Variants in KCTD8 observed in about 807,000 individuals in gnomAD.
KCTD8 encodes potassium channel tetramerization domain containing 8.
Under a neutral mutation model 31.5 loss-of-function variants are expected in KCTD8, and 27 were observed. The ratio of observed to expected loss-of-function variants is 0.86; its 90% confidence interval spans 0.63 to 1.18. The LOEUF (loss-of-function observed/expected upper bound fraction) is 1.18. Ranked by LOEUF, KCTD8 falls within the 50% of genes most tolerant of loss-of-function variation. KCTD8 has a pLI of 0.00. For synonymous variants in KCTD8, 290 were observed against 280.0 expected, an observed-to-expected ratio of 1.04 and a Z score of -0.36; for missense variants, 658 against 647.7, an observed-to-expected ratio of 1.02 and a Z score of -0.17.
chr4:44,283,076 G>T, intron 1 of KCTD8, among the ~76,000 whole-genome samples: 1 of 134,510 alleles, frequency 7.4e-6, no homozygotes, highest in South Asian at 2.3e-4. Context: ...TATTATTATT[G>T]AGACAGAGTC....
chr4:44,446,545 C>A (rs551520585), intron 1 of KCTD8, among the ~76,000 whole-genome samples: 6 of 152,256 alleles, frequency 3.9e-5, no homozygotes, highest in Non-Finnish European at 5.9e-5. Context: ...CTCCCAATCC[C>A]ACTCCCAATC....
intron 1 of KCTD8, among the ~76,000 whole-genome samples, chr4:44,369,835 T>G (rs1443343164): frequency 3.9e-5 from 6 of 151,952 alleles, no homozygotes; most frequent in Non-Finnish European, 8.8e-5. Context: ...GCACAAGAAA[T>G]TACAGTAATA....
chr4:44,399,278 T>C (rs1331556309), intron 1 of KCTD8, among the ~76,000 whole-genome samples: 1 of 152,164 alleles, frequency 6.6e-6, no homozygotes, highest in African/African-American at 2.4e-5. Flanking sequence ...GAAAAGTAAC[T>C]GATTAGTGAA....
intron 1 of KCTD8, among the ~76,000 whole-genome samples, chr4:44,437,894 C>T (rs4318686): frequency 0.84 from 127,277 of 152,090 alleles, 53,490 homozygotes; most frequent in South Asian, 0.9. Flanking sequence ...TTACTCTAAA[C>T]GAGAATCACC....
chr4:44,255,782 G>C (rs1163102173), intron 1 of KCTD8, among the ~76,000 whole-genome samples: 12 of 151,796 alleles, frequency 7.9e-5, no homozygotes, highest in Admixed American at 6.6e-4. Flanking sequence ...GAAGAATAAT[G>C]AATATTTTAG....
At chr4:44,237,575 G>C (rs1715329834) in intron 1 of KCTD8, among the ~76,000 whole-genome samples, 1 of 152,120 alleles carries the variant, frequency 6.6e-6, no homozygotes, top group South Asian at 2.1e-4. Flanking sequence ...CAAATGTTTT[G>C]ATCTCCATCT....
At chr4:44,219,786 G>T (rs1714753670) in intron 1 of KCTD8, among the ~76,000 whole-genome samples, 1 of 152,144 alleles carries the variant, frequency 6.6e-6, no homozygotes, top group Admixed American at 6.5e-5. Context: ...GAAGCTATTA[G>T]AGATATTTTT....
At chr4:44,366,683 GCAT>G (rs1719648678) in intron 1 of KCTD8, among the ~76,000 whole-genome samples, 1 of 152,148 alleles carries the variant, frequency 6.6e-6, no homozygotes, top group Non-Finnish European at 1.5e-5. Flanking sequence ...AGCAGCAGCA[GCAT>G]CAATATTGTA....
At chr4:44,200,366 A>G (rs1714102787) in intron 1 of KCTD8, among the ~76,000 whole-genome samples, 1 of 151,734 alleles carries the variant, frequency 6.6e-6, no homozygotes, top group African/African-American at 2.4e-5. Flanking sequence ...AAAAAAAACT[A>G]CAGGCCAATA....
Position 44,447,878 on chromosome 4 carries a change from A to C in KCTD8, c.646T>G (p.Ser216Ala). 1 of 1,544,222 alleles carries C rather than the reference A, an allele frequency of 6.5e-7. No individual in the cohort carries two copies. Among genetic ancestry groups the C allele is most frequent in the Non-Finnish European group, 8.8e-7 (1 of 1,142,482 alleles). ...SGFLTLGYRG[S>A]YTTVRDNQAD... ...TGGTTGTCGCGCACGGTGGTGTAGG[A>C]GCCCCGGTAGCCCAGCGTGAGGAAG... The change falls in exon 1 of 2, where the codon TCC becomes GCC. Residue 216 changes from serine (S) to alanine (A), a missense_variant. By Grantham distance (99) the Ser-to-Ala change is moderately conservative. Transcript: ENST00000360029.
intron 1 of KCTD8, among the ~76,000 whole-genome samples, chr4:44,387,649 G>A (rs973928484): frequency 2.0e-5 from 3 of 151,968 alleles, no homozygotes; most frequent in African/African-American, 4.8e-5. Flanking sequence ...AAATGGTGCT[G>A]AGATTACTGG....
chr4:44,238,480 G>A (rs1180329600), intron 1 of KCTD8, among the ~76,000 whole-genome samples: 2 of 151,934 alleles, frequency 1.3e-5, no homozygotes, highest in African/African-American at 4.8e-5. Context: ...AGAGTTTAGT[G>A]GAGTCTTAAT....
chr4:44,239,984 G>A (rs769892453), intron 1 of KCTD8, among the ~76,000 whole-genome samples: 6 of 152,150 alleles, frequency 3.9e-5, no homozygotes, highest in Non-Finnish European at 8.8e-5. Flanking sequence ...TACCTCCCTG[G>A]ATGGATTTAG....
intron 1 of KCTD8, among the ~76,000 whole-genome samples, chr4:44,268,577 T>C (rs1716468873): frequency 6.6e-6 from 1 of 152,078 alleles, no homozygotes; most frequent in Admixed American, 6.5e-5. Flanking sequence ...TAAAGGGTAT[T>C]CAATTAGGAA....
intron 1 of KCTD8, among the ~76,000 whole-genome samples, chr4:44,340,604 C>T (rs186762194): frequency 6.1e-4 from 93 of 152,066 alleles, no homozygotes; most frequent in Non-Finnish European, 1.1e-3. Flanking sequence ...CCACCACGCC[C>T]GGCCGACATA....
At chr4:44,188,136 A>G (rs932015492) in intron 1 of KCTD8, among the ~76,000 whole-genome samples, 1 of 152,188 alleles carries the variant, frequency 6.6e-6, no homozygotes, top group African/African-American at 2.4e-5. Flanking sequence ...CTGCCAATAA[A>G]TGTTTTCAAG....
chr4:44,255,442 T>A (rs529379921), intron 1 of KCTD8, among the ~76,000 whole-genome samples: 2 of 152,066 alleles, frequency 1.3e-5, no homozygotes, highest in South Asian at 4.1e-4. Flanking sequence ...ATTTAAAAAA[T>A]TTTGTTAAAT....
Position 44,418,787 on chromosome 4 carries a change from T to C in KCTD8, c.961+28776A>G, listed in dbSNP as rs115513455. Reference sequence around the variant, plus strand: ...TCTGTGAAGTGGTAAAAACAGATACTATGCATCGGCTCTGGTTAATTAAGA... The same window carrying C: ...TCTGTGAAGTGGTAAAAACAGATACCATGCATCGGCTCTGGTTAATTAAGA... On this transcript the variant is annotated intron_variant, in intron 1 of 1. Coordinates refer to ENST00000360029, the MANE Select transcript of KCTD8 (RefSeq NM_198353.3). Among the ~76,000 whole-genome samples, 1,094 of 152,302 alleles carry C rather than the reference T, an allele frequency of 7.2e-3. 5 individuals carry two copies. The highest frequency in any genetic ancestry group is 0.012 in the Non-Finnish European group (796 of 68,030).
At chr4:44,268,172 A>G (rs376579936) in intron 1 of KCTD8, among the ~76,000 whole-genome samples, 123 of 152,216 alleles carry the variant, frequency 8.1e-4, no homozygotes, top group African/African-American at 2.5e-3. Context: ...GAATCCAGCA[A>G]CACATCAAAA....
Sources: gnomAD v4.1 joint callset for allele counts (sites outside exome capture counted in the v4.1 genomes callset) on GRCh38, gnomAD v4.1.1 for gene constraint, MANE v1.5 for transcripts, NCBI Gene and HGNC (gene_info 2026-07-23, HGNC 2026-07-21) for gene names.